Variants in CMTR1 observed in about 807,000 individuals in gnomAD.
The protein encoded by CMTR1 is cap-specific mRNA (nucleoside-2'-O-)-methyltransferase 1.
Under a neutral mutation model 107.0 loss-of-function variants are expected in CMTR1, and 39 were observed. The ratio of observed to expected loss-of-function variants is 0.36; its 90% CI spans 0.28 to 0.48. The LOEUF is 0.48. Among genes scored for constraint, CMTR1 ranks in the 20% least tolerant of loss-of-function variants. The pLI, the probability that CMTR1 is intolerant of heterozygous loss-of-function variation, is 0.99. For synonymous variants in CMTR1, 366 were observed against 379.5 expected (o/e 0.96, Z 0.41); for missense variants, 672 against 1,064.9 (o/e 0.63, Z 5.14).
At chr6:37,439,030 T>C (rs1771606957) in intron 2 of CMTR1, among the ~76,000 whole-genome samples, 1 of 152,238 alleles carries the variant, frequency 6.6e-6, no homozygotes, top group African/African-American at 2.4e-5. Flanking sequence ...GTGTGGACCT[T>C]ATTTTTTCCT....
At chr6:37,431,678 AT>A (rs1771376829), upstream of CMTR1, among the ~76,000 whole-genome samples, 1 of 152,134 alleles carries the variant, frequency 6.6e-6, no homozygotes, top group Admixed American at 6.5e-5. Context: ...CCCAACCTAG[AT>A]TTGTGACATC....
chr6:37,473,386 G>T, intron 16 of CMTR1, 84 bp from the exon 17 acceptor site: 4 of 1,484,868 alleles, frequency 2.7e-6, no homozygotes, highest in Non-Finnish European at 3.6e-6. Flanking sequence ...CCCTTGCCTT[G>T]TCGAGCCTGC....
At chr6:37,445,484 C>CGT (rs778731194) in intron 3 of CMTR1, among the ~76,000 whole-genome samples, 1 of 109,194 alleles carries the variant, frequency 9.2e-6, no homozygotes, top group African/African-American at 4.4e-5. Context: ...CATACCTCAC[C>CGT]TTTTTTTTTT....
chr6:37,474,294 C>G (rs982951727), intron 17 of CMTR1, among the ~76,000 whole-genome samples: 2 of 152,214 alleles, frequency 1.3e-5, no homozygotes, highest in African/African-American at 4.8e-5. Context: ...GTGCCCTGCA[C>G]CCGTTCCAAG....
intron 5 of CMTR1, among the ~76,000 whole-genome samples, chr6:37,450,551 A>C (rs2252920): frequency 6.6e-6 from 1 of 151,960 alleles, no homozygotes; most frequent in Non-Finnish European, 1.5e-5. Context: ...TCTTTTCTCT[A>C]AGTTATTTAA....
intron 4 of CMTR1, among the ~76,000 whole-genome samples, chr6:37,447,599 G>A (rs1213700539): frequency 1.3e-5 from 2 of 152,190 alleles, no homozygotes; most frequent in South Asian, 2.1e-4. Context: ...GGTGGCTTAC[G>A]CCTATAATCC....
chr6:37,472,532 C>G lies in CMTR1; in HGVS notation c.1689+45C>G. On this transcript the variant is annotated intron_variant, in intron 16 of 23. Coordinates refer to ENST00000373451, the MANE Select transcript of CMTR1 (RefSeq NM_015050.3). This position sits in a 1 kb window ranked among gnomAD's most constrained non-coding sequence, Gnocchi z 4.1. ...TGGACATAAAAAGTTAGAGATCTGT[C>G]TCTAGATGTGGATGGTATCACTGAG... 1 of 1,574,470 alleles carries G rather than the reference C, an allele frequency of 6.4e-7. No homozygotes were observed. The highest frequency in any genetic ancestry group is 8.7e-7 in the Non-Finnish European group (1 of 1,144,252).
At chr6:37,427,771 G>C in the CMTR1 span, among the ~76,000 whole-genome samples, 2 of 152,064 alleles carry the variant, frequency 1.3e-5, no homozygotes, top group African/African-American at 2.4e-5. This position sits in a 1 kb window ranked among gnomAD's most constrained non-coding sequence, Gnocchi z 4.4. Context: ...AGTGTGGCTG[G>C]TGATGAATTC....
intron 6 of CMTR1, 150 bp downstream of exon 6, chr6:37,452,027 T>C: frequency 3.2e-6 from 2 of 627,862 alleles, no homozygotes; most frequent in South Asian, 1.9e-5. Context: ...TATCTGCAAA[T>C]TGTCTTTTTC....
In CMTR1 at chr6:37,480,675, G is replaced by C; in HGVS notation, c.*530G>C. On this transcript the variant is annotated 3_prime_UTR_variant, in exon 24 of 24. Coordinates refer to ENST00000373451, the MANE Select transcript of CMTR1 (RefSeq NM_015050.3). The stretch of plus-strand genomic sequence containing the variant: ...TTCTTTGAACTTACTCTGTTTTGAT[G>C]CCAAATTGGAGACCATTTTCTTGTC... 2.0e-6 allele frequency: 2 copies of C among 1,021,876 alleles called. No individual in the cohort carries two copies. Among genetic ancestry groups the C allele is most frequent in the Non-Finnish European group, 2.3e-6 (2 of 853,944 alleles). 63.3% of individuals were successfully genotyped at this position (1,021,876 alleles called of 1,614,324 possible). A position where few individuals can be genotyped will look rare whatever the true frequency, so the allele number is the denominator to read the frequency against.
At chr6:37,437,147 G>T (rs114028651) in intron 2 of CMTR1, among the ~76,000 whole-genome samples, 1 of 152,084 alleles carries the variant, frequency 6.6e-6, no homozygotes, top group Non-Finnish European at 1.5e-5. Context: ...TGTGGCCCAG[G>T]ATTGCTTTGA....
chr6:37,455,863 G>A (rs544816452), intron 8 of CMTR1, among the ~76,000 whole-genome samples: 7 of 152,220 alleles, frequency 4.6e-5, no homozygotes, highest in South Asian at 4.2e-4. Context: ...GTCCTACAAC[G>A]GCCTGGAGAA....
intron 8 of CMTR1, among the ~76,000 whole-genome samples, chr6:37,454,561 G>A (rs891499869): frequency 1.3e-5 from 2 of 152,144 alleles, no homozygotes; most frequent in African/African-American, 4.8e-5. Context: ...TTTGGCTTTT[G>A]TATACAAATG....
intron 5 of CMTR1, among the ~76,000 whole-genome samples, chr6:37,451,388 G>A (rs1365427806): frequency 2.0e-5 from 3 of 152,114 alleles, no homozygotes; most frequent in South Asian, 2.1e-4. Context: ...ATGCTACCAG[G>A]TCAGTGCCTG....
At chr6:37,451,034 A>G (rs961453429) in intron 5 of CMTR1, among the ~76,000 whole-genome samples, 2 of 152,176 alleles carry the variant, frequency 1.3e-5, no homozygotes, top group African/African-American at 4.8e-5. Flanking sequence ...AATGGAAAAC[A>G]GTACCACTCT....
At chr6:37,452,931 G>A (rs917926491) in intron 6 of CMTR1, 116 bp from the exon 7 acceptor site, 14 of 860,706 alleles carry the variant, frequency 1.6e-5, no homozygotes, top group Middle Eastern at 3.5e-4. Flanking sequence ...AGACATTTCA[G>A]AGCTGAGATG....
Position 37,458,922 on chromosome 6 carries a change from A to AC in CMTR1, c.976+115dup. 1.0e-6 allele frequency: 1 copy of AC among 957,470 alleles called. No individual in the cohort carries two copies. The highest frequency in any genetic ancestry group is 1.6e-5 in the South Asian group (1 of 62,108). The allele number at this position is 957,470 out of a possible 1,614,324, so 59.3% of individuals were successfully genotyped here. A position where few individuals can be genotyped will look rare whatever the true frequency, so the allele number is the denominator to read the frequency against. On this transcript the variant is annotated intron_variant, in intron 9 of 23. Transcript: ENST00000373451. The surrounding 1 kb of genome is among the most constrained non-coding windows in gnomAD (Gnocchi z 4.7). ...CCATATTTTCTTTCCTAGGTCTCTT[A>AC]CCCTGGGCTTCACAGTTCATGTCAG...
At chr6:37,468,282 G>A (rs1761549600) in intron 13 of CMTR1, among the ~76,000 whole-genome samples, 1 of 151,664 alleles carries the variant, frequency 6.6e-6, no homozygotes, top group South Asian at 2.1e-4. Flanking sequence ...CTTACAACAC[G>A]ATACATGCTA....
intron 10 of CMTR1, 21 bp downstream of exon 10, chr6:37,459,705 A>T (rs755416126): frequency 1.4e-6 from 2 of 1,480,676 alleles, no homozygotes; most frequent in South Asian, 2.3e-5. Flanking sequence ...TTTTTTCCAT[A>T]GACTGATGCA....
Sources: gnomAD v4.1 joint callset for allele counts (sites outside exome capture counted in the v4.1 genomes callset) on GRCh38, gnomAD v4.1.1 for gene constraint, Gnocchi (gnomAD v3.1) non-coding constraint, MANE v1.5 for transcripts, NCBI Gene and HGNC (gene_info 2026-07-23, HGNC 2026-07-21) for gene names.